The following RELCH variants were observed in gnomAD, a reference collection of about 807,000 sequenced individuals.
RELCH encodes the protein RAB11 binding and LisH domain, coiled-coil and HEAT repeat containing, also known as RAB11-binding protein RELCH.
In RELCH, 41 loss-of-function variants were observed where a neutral mutation model predicts 150.3. The observed-to-expected ratio is 0.27, with a 90% CI of 0.21 to 0.35. RELCH has a LOEUF of 0.35. RELCH is among the 10% of genes least tolerant of loss of function. The pLI is 1.00. For missense variants in RELCH, 1,092 were observed against 1,467.8 expected (o/e 0.74, Z 4.18); for synonymous variants, 478 against 531.8 (o/e 0.90, Z 1.39).
At chr18:62,227,255 C>G (rs192824219) in intron 5 of RELCH, 34 bp from the exon 6 acceptor site, 1 of 1,383,736 alleles carries the variant, frequency 7.2e-7, no homozygotes, top group Admixed American at 2.2e-5. Flanking sequence ...AAAATTTCCT[C>G]GAAGATTTTT....
At chr18:62,225,767 C>T (rs1387012616) in intron 5 of RELCH, among the ~76,000 whole-genome samples, 1 of 151,286 alleles carries the variant, frequency 6.6e-6, no homozygotes, top group Non-Finnish European at 1.5e-5. Flanking sequence ...GATAGATGGA[C>T]ATTTGAATTA....
At chr18:62,292,914 A>G (rs558507532) in intron 27 of RELCH, among the ~76,000 whole-genome samples, 1 of 152,246 alleles carries the variant, frequency 6.6e-6, no homozygotes, top group South Asian at 2.1e-4. Context: ...ACTACAGCCA[A>G]AGTACTTTTC....
chr18:62,261,960 G>A (rs1486757542), intron 16 of RELCH, among the ~76,000 whole-genome samples: 2 of 151,882 alleles, frequency 1.3e-5, no homozygotes, highest in African/African-American at 4.8e-5. Flanking sequence ...TCCGTTAATA[G>A]ATCTGAGTCA....
At chr18:62,221,161 A>C in intron 3 of RELCH, 53 bp downstream of exon 3, 1 of 1,590,928 alleles carries the variant, frequency 6.3e-7, no homozygotes, top group Non-Finnish European at 8.6e-7. Flanking sequence ...ATGTAGAAGT[A>C]GCTGAGATAT....
intron 25 of RELCH, among the ~76,000 whole-genome samples, chr18:62,282,952 C>G (rs1202974466): frequency 6.6e-6 from 1 of 152,182 alleles, no homozygotes; most frequent in Non-Finnish European, 1.5e-5. Flanking sequence ...ACCACCGCAC[C>G]CGCCCTAGTG....
In RELCH at chr18:62,264,763, A is replaced by C. The variant is rs1383029690; in HGVS notation, c.2542A>C (p.Asn848His). ...ACTTATAGAAATAGTTGGCAAAATT[A>C]ATGTTACTTCAACTGCCTGTGTCCA... Reference protein sequence around the residue: ...PQLIEIVGKINVTSTACVHEF... With the variant: ...PQLIEIVGKIHVTSTACVHEF... Residue 848 changes from asparagine (N) to histidine (H), a missense_variant, in exon 18 of 29, where the codon AAT (asparagine) becomes CAT (histidine). Transcript: ENST00000644646. 1 of 1,601,556 alleles carries C rather than the reference A, an allele frequency of 6.2e-7. No individual in the cohort carries two copies. Among genetic ancestry groups the C allele is most frequent in the Admixed American group, 1.7e-5 (1 of 58,812 alleles).
intron 1 of RELCH, among the ~76,000 whole-genome samples, chr18:62,191,327 T>A (rs947274602): frequency 6.6e-6 from 1 of 152,218 alleles, no homozygotes; most frequent in African/African-American, 2.4e-5. Flanking sequence ...GTGGCTTTAA[T>A]TTCTATTTCC....
intron 13 of RELCH, among the ~76,000 whole-genome samples, 197 bp from the exon 14 acceptor site, chr18:62,257,751 G>C (rs2043060410): frequency 6.6e-6 from 1 of 151,696 alleles, no homozygotes; most frequent in Non-Finnish European, 1.5e-5. Context: ...TATTTTTGCT[G>C]TATCTGTAAT....
intron 1 of RELCH, among the ~76,000 whole-genome samples, chr18:62,203,787 C>T (rs1347062986): frequency 1.3e-5 from 2 of 152,088 alleles, no homozygotes; most frequent in African/African-American, 4.8e-5. Flanking sequence ...TTAACACCAG[C>T]CTGGGCAACA....
rs572220007 is a variant in RELCH at position 62,260,852 on chromosome 18, T to C, written c.2203-659T>C. Among the ~76,000 whole-genome samples, 55 of 152,070 alleles carry C rather than the reference T, an allele frequency of 3.6e-4. 1 individual carries two copies. Among genetic ancestry groups the C allele is most frequent in the African/African-American group, 1.3e-3 (53 of 41,522 alleles). The stretch of plus-strand genomic sequence containing the variant: ...AATATTGAATGTTCTCACTCACATG[T>C]GGGAGCTTAAACAGTTGATCTCAAG... On this transcript the variant is annotated intron_variant, in intron 15 of 28. Transcript: ENST00000644646.
intron 5 of RELCH, among the ~76,000 whole-genome samples, chr18:62,223,136 A>G (rs1362863888): frequency 6.6e-6 from 1 of 151,674 alleles, no homozygotes; most frequent in Non-Finnish European, 1.5e-5. Flanking sequence ...AGATGATAGC[A>G]TAAGTCAATG....
intron 5 of RELCH, among the ~76,000 whole-genome samples, chr18:62,226,751 A>G (rs1243459267): frequency 2.0e-5 from 3 of 152,146 alleles, no homozygotes; most frequent in Non-Finnish European, 4.4e-5. Flanking sequence ...AGACAATTAA[A>G]CCTATTGATC....
chr18:62,201,826 C>G (rs981219578), intron 1 of RELCH, among the ~76,000 whole-genome samples: 1 of 152,112 alleles, frequency 6.6e-6, no homozygotes, highest in African/African-American at 2.4e-5. Flanking sequence ...ACCCAATACT[C>G]TTTTATTAGT....
chr18:62,204,823 T>TTCAAACAGAGGGAGAAAAAA (rs2039679531), intron 1 of RELCH, among the ~76,000 whole-genome samples: 1 of 152,206 alleles, frequency 6.6e-6, no homozygotes. Context: ...TTGGTTCAAT[T>TTCAAACAGAGGGAGAAAAAA]TCAAACAGAG....
At chr18:62,272,246 C>T (rs2043943472) in intron 20 of RELCH, among the ~76,000 whole-genome samples, 1 of 152,134 alleles carries the variant, frequency 6.6e-6, no homozygotes, top group Non-Finnish European at 1.5e-5. Flanking sequence ...CTAGACGCAA[C>T]AGTATGCCTA....
At chr18:62,229,111 C>T (rs1281601328) in intron 8 of RELCH, among the ~76,000 whole-genome samples, 1 of 151,912 alleles carries the variant, frequency 6.6e-6, no homozygotes, top group Non-Finnish European at 1.5e-5. Flanking sequence ...ACCATGGTCC[C>T]TGCACTTTGT....
At chr18:62,288,966 C>T (rs192300573) in intron 26 of RELCH, among the ~76,000 whole-genome samples, 52 of 152,104 alleles carry the variant, frequency 3.4e-4, no homozygotes, top group African/African-American at 1.1e-3. Flanking sequence ...TTACACAAAA[C>T]GTTATGTATA....
chr18:62,200,694 G>A (rs2039373954), intron 1 of RELCH, among the ~76,000 whole-genome samples: 1 of 151,628 alleles, frequency 6.6e-6, no homozygotes, highest in Non-Finnish European at 1.5e-5. Context: ...CAAGGTTACT[G>A]CTATACCAAG....
At chr18:62,295,308 A>G (rs889877778) in intron 27 of RELCH, among the ~76,000 whole-genome samples, 1 of 147,186 alleles carries the variant, frequency 6.8e-6, no homozygotes, top group African/African-American at 2.5e-5. Flanking sequence ...CACCATCCCC[A>G]GCCTGGTGTG....
Sources: gnomAD v4.1 joint callset for allele counts (sites outside exome capture counted in the v4.1 genomes callset) on GRCh38, gnomAD v4.1.1 for gene constraint, MANE v1.5 for transcripts, NCBI Gene and HGNC (gene_info 2026-07-23, HGNC 2026-07-21) for gene names.